The following ITFG2 variants were observed in gnomAD, a reference collection of about 807,000 sequenced individuals.
ITFG2 encodes the protein integrin alpha FG-GAP repeat containing 2.
A neutral mutation model predicts 54.4 loss-of-function variants in ITFG2; 36 were observed. That is an observed-to-expected ratio of 0.66 (90% CI 0.51 to 0.87). ITFG2 has a LOEUF of 0.87. Among genes scored for constraint, ITFG2 ranks in the 40% least tolerant of loss-of-function variants. The pLI is 0.00. For missense variants in ITFG2, 524 were observed against 576.7 expected (o/e 0.91, Z 0.94); for synonymous variants, 211 against 225.4 (o/e 0.94, Z 0.57).
At chr12:2,832,967 A>G (rs1429231132), upstream of ITFG2, among the ~76,000 whole-genome samples, 3 of 151,794 alleles carry the variant, frequency 2.0e-5, no homozygotes, top group African/African-American at 7.3e-5. Context: ...CTGGCTCTGC[A>G]CTTCCCATCT....
At chr12:2,858,672 ATGT>A (rs2098097925) in intron 3 of ITFG2, 3 of 1,614,118 alleles carry the variant, frequency 1.9e-6, no homozygotes. Context: ...GGACCAGTTG[ATGT>A]TGTCAGGGCC....
At chr12:2,838,679 A>G (rs913152865) in intron 1 of ITFG2, among the ~76,000 whole-genome samples, 1 of 152,136 alleles carries the variant, frequency 6.6e-6, no homozygotes, top group East Asian at 1.9e-4. Context: ...CTGTAACCCA[A>G]GCAAGTACTG....
intron 1 of ITFG2, among the ~76,000 whole-genome samples, chr12:2,815,581 T>C (rs1303465112): frequency 6.6e-6 from 1 of 152,256 alleles, no homozygotes; most frequent in Non-Finnish European, 1.5e-5. Flanking sequence ...GTTCACATTG[T>C]CTTTTTATTT....
chr12:2,841,021 CCTT>C (rs552188250), intron 2 of ITFG2: 6 of 152,698 alleles, frequency 3.9e-5, no homozygotes, highest in Admixed American at 2.6e-4. Flanking sequence ...CTGGGATTGT[CCTT>C]CTTATGTCCC....
chr12:2,831,224 C>A (rs1230883019), downstream of ITFG2, among the ~76,000 whole-genome samples: 1 of 151,220 alleles, frequency 6.6e-6, no homozygotes, highest in Non-Finnish European at 1.5e-5. Flanking sequence ...TTTTCTTCCC[C>A]TCTGACCTCA....
chr12:2,844,343 C>T (rs1319622606), intron 2 of ITFG2, among the ~76,000 whole-genome samples: 1 of 152,142 alleles, frequency 6.6e-6, no homozygotes, highest in African/African-American at 2.4e-5. Flanking sequence ...CACATGAGGT[C>T]AGGAGTTCGA....
chr12:2,852,369 G>T (rs1603490797), intron 2 of ITFG2, among the ~76,000 whole-genome samples: 1 of 149,666 alleles, frequency 6.7e-6, no homozygotes, highest in Non-Finnish European at 1.5e-5. Context: ...TGTGGGAACT[G>T]TTTTTTTTTT....
chr12:2,856,808 G>A, intron 2 of ITFG2: 1 of 627,262 alleles, frequency 1.6e-6, no homozygotes, highest in Admixed American at 2.6e-5. Context: ...TGGGTTCCTA[G>A]TGTCATAGGA....
At chr12:2,840,204 T>G (rs1359798217) in intron 1 of ITFG2, among the ~76,000 whole-genome samples, 2 of 151,938 alleles carry the variant, frequency 1.3e-5, no homozygotes, top group Non-Finnish European at 2.9e-5. Flanking sequence ...ATTCCAGCAC[T>G]TTGGGAGGCC....
At chr12:2,822,940 A>C in intron 10 of ITFG2, 29 bp downstream of exon 10, 1 of 1,556,160 alleles carries the variant, frequency 6.4e-7, no homozygotes, top group Non-Finnish European at 8.9e-7. Flanking sequence ...GCCCCTTTCT[A>C]ACCACACTTA....
intron 2 of ITFG2, chr12:2,830,643 G>C: frequency 6.6e-7 from 1 of 1,513,598 alleles, no homozygotes. Context: ...GAGCAGAAAG[G>C]AGAGCAGGTG....
downstream of ITFG2, among the ~76,000 whole-genome samples, chr12:2,831,744 T>C (rs934316056): frequency 6.6e-6 from 1 of 151,968 alleles, no homozygotes; most frequent in Admixed American, 6.6e-5. Flanking sequence ...CCTTTCCTTC[T>C]CTCTCTTCTT....
At position 2,820,987 on chromosome 12, in the gene ITFG2, C is replaced by T. The variant is rs1348403588; in HGVS notation, c.695+115C>T. On this transcript the variant is annotated intron_variant, in intron 6 of 11. Transcript: ENST00000228799. ...GTTGGCAGAGCTGCCTCATCTAGGT[C>T]CCAACCCAAGCACCTTTGCCCCACT... 10 of 1,129,202 alleles carry T rather than the reference C, an allele frequency of 8.9e-6. No homozygotes were observed. In the East Asian group the frequency reaches 2.5e-4, roughly 28 times the overall value. 69.9% of individuals were successfully genotyped at this position (1,129,202 alleles called of 1,614,324 possible).
Position 2,824,300 on chromosome 12 carries a change from G to A in ITFG2, c.*107G>A, listed in dbSNP as rs2097956801. 2 of 1,163,882 alleles carry A rather than the reference G, an allele frequency of 1.7e-6. No individual in the cohort carries two copies. The highest frequency in any genetic ancestry group is 2.5e-6 in the Non-Finnish European group (2 of 789,546). The allele number at this position is 1,163,882 out of a possible 1,614,324, so 72.1% of individuals were successfully genotyped here. A position where few individuals can be genotyped will look rare whatever the true frequency, so the allele number is the denominator to read the frequency against. ...AGGGAATATGCATTACAGAAATGCA[G>A]GATTTGACTCTGGGCATGAAAGATG... is the stretch of plus-strand genomic sequence containing the variant. On this transcript the variant is annotated 3_prime_UTR_variant, in exon 12 of 12. Coordinates refer to ENST00000228799, the MANE Select transcript of ITFG2 (RefSeq NM_018463.4).
intron 5 of ITFG2, 56 bp from the exon 6 acceptor site, chr12:2,820,668 G>C (rs2097940861): frequency 1.8e-6 from 2 of 1,137,964 alleles, no homozygotes. Context: ...GCCGTTCTCT[G>C]CAGGGACCCA....
intron 3 of ITFG2, 71 bp from the exon 4 acceptor site, chr12:2,818,035 G>C: frequency 6.2e-7 from 1 of 1,609,174 alleles, no homozygotes; most frequent in Admixed American, 1.7e-5. Flanking sequence ...TGACCTCTGT[G>C]ATCTGATGAT....
chr12:2,816,905 CA>C (rs2097923626), intron 1 of ITFG2, among the ~76,000 whole-genome samples: 3 of 152,046 alleles, frequency 2.0e-5, no homozygotes, highest in Non-Finnish European at 4.4e-5. Context: ...CTCCACCTCC[CA>C]AAGTGCTGGG....
At chr12:2,835,159 A>ATGTGTGTGTGTGTGTGTGTGTGTG (rs375198605), upstream of ITFG2, 205 of 1,127,400 alleles carry the variant, frequency 1.8e-4, 2 homozygotes, top group East Asian at 3.6e-3. Context: ...GATGGGGCGT[A>ATGTGTGTGTGTGTGTGTGTGTGTG]TGTGTGTGTG....
upstream of ITFG2, among the ~76,000 whole-genome samples, chr12:2,833,962 C>G (rs1410993077): frequency 6.6e-6 from 1 of 152,212 alleles, no homozygotes; most frequent in East Asian, 1.9e-4. Context: ...TCAGCATTGC[C>G]TCTCAGAGGG....
Sources: gnomAD v4.1 joint callset for allele counts (sites outside exome capture counted in the v4.1 genomes callset) on GRCh38, gnomAD v4.1.1 for gene constraint, MANE v1.5 for transcripts, NCBI Gene and HGNC (gene_info 2026-07-23, HGNC 2026-07-21) for gene names.